The following MAST2 variants were observed in gnomAD, a reference collection of about 807,000 sequenced individuals.
The protein encoded by MAST2 is microtubule-associated serine/threonine-protein kinase 2.
Under a neutral mutation model 147.4 loss-of-function variants are expected in MAST2, and 70 were observed. The ratio of observed to expected loss-of-function variants is 0.47; its 90% CI spans 0.39 to 0.58. The LOEUF (loss-of-function observed/expected upper bound fraction) is 0.58, where lower values mean the gene tolerates loss of function less well. MAST2 is among the 20% of genes least tolerant of loss of function. MAST2 has a pLI of 0.00. For missense variants in MAST2, 2,080 were observed against 2,302.3 expected (o/e 0.90, Z 1.98); for synonymous variants, 869 against 896.8 (o/e 0.97, Z 0.55).
intron 4 of MAST2, among the ~76,000 whole-genome samples, chr1:45,948,987 T>C (rs1279471519): frequency 6.6e-6 from 1 of 152,194 alleles, no homozygotes; most frequent in East Asian, 1.9e-4. Flanking sequence ...GGGAAAAGAC[T>C]CCCTATTCAG....
rs921056577 is a variant in MAST2, at chr1:46,029,688, C to T, written c.2320+121C>T. The T allele has an allele frequency of 1.0e-5, 14 of 1,370,966 alleles. No homozygotes were observed. The African/African-American group carries it at 1.1e-4, about 11-fold the overall frequency. The allele number at this position is 1,370,966 out of a possible 1,614,324, so 84.9% of individuals were successfully genotyped here. On this transcript the variant is annotated intron_variant, in intron 19 of 28. Coordinates refer to ENST00000361297, the MANE Select transcript of MAST2 (RefSeq NM_015112.3). The stretch of plus-strand genomic sequence containing the variant: ...GCCCCTCTGGATCCTGAAACTCTGC[C>T]CTGCTCTGTAGGCAGAAAAGGGAAG...
At chr1:45,820,934 C>A (rs1197902486) in intron 1 of MAST2, among the ~76,000 whole-genome samples, 1 of 104,622 alleles carries the variant, frequency 9.6e-6, no homozygotes, top group African/African-American at 3.8e-5. Flanking sequence ...GAGTCTTGCT[C>A]TGTTTCCCGG....
chr1:45,938,144 A>G (rs531634398), intron 4 of MAST2, among the ~76,000 whole-genome samples: 90 of 152,286 alleles, frequency 5.9e-4, no homozygotes, highest in African/African-American at 2.1e-3. Context: ...ATAATGTTTT[A>G]TTATTGGATA....
chr1:45,924,434 A>G (rs1654030185), intron 4 of MAST2, among the ~76,000 whole-genome samples: 1 of 152,134 alleles, frequency 6.6e-6, no homozygotes, highest in Non-Finnish European at 1.5e-5. Context: ...AAGAACTGAA[A>G]ATTGAGTGCT....
At chr1:45,808,774 A>G (rs1644211255) in intron 1 of MAST2, among the ~76,000 whole-genome samples, 1 of 152,146 alleles carries the variant, frequency 6.6e-6, no homozygotes, top group Non-Finnish European at 1.5e-5. Flanking sequence ...TAAGTGCTTT[A>G]TAAATACTCG....
intron 5 of MAST2, among the ~76,000 whole-genome samples, chr1:45,967,722 CTT>C (rs1431476595): frequency 6.6e-6 from 1 of 152,064 alleles, no homozygotes; most frequent in Non-Finnish European, 1.5e-5. Flanking sequence ...AGGCATACAA[CTT>C]TTACTGAAAA....
chr1:45,886,294 T>C (rs925687726), intron 4 of MAST2, among the ~76,000 whole-genome samples: 11 of 131,506 alleles, frequency 8.4e-5, no homozygotes, highest in Non-Finnish European at 1.4e-4. Flanking sequence ...GTATACATAT[T>C]TATATATGTA....
At chr1:45,820,543 T>C (rs1240679141) in intron 1 of MAST2, among the ~76,000 whole-genome samples, 2 of 152,310 alleles carry the variant, frequency 1.3e-5, no homozygotes, top group East Asian at 3.9e-4. Flanking sequence ...TTGTGGCAGA[T>C]TACATCTTTA....
chr1:45,863,404 A>T (rs1646043246), intron 3 of MAST2, among the ~76,000 whole-genome samples: 1 of 152,188 alleles, frequency 6.6e-6, no homozygotes, highest in African/African-American at 2.4e-5. Context: ...GCCGTTAGTT[A>T]TTCAAAGCAG....
At chr1:45,863,396 CGTTA>C (rs1646043151) in intron 3 of MAST2, among the ~76,000 whole-genome samples, 2 of 152,050 alleles carry the variant, frequency 1.3e-5, no homozygotes, top group South Asian at 4.2e-4. Flanking sequence ...ATAATCCAGC[CGTTA>C]GTTATTCAAA....
At chr1:45,851,662 T>C (rs1645627562) in intron 3 of MAST2, among the ~76,000 whole-genome samples, 1 of 152,152 alleles carries the variant, frequency 6.6e-6, no homozygotes, top group Non-Finnish European at 1.5e-5. Flanking sequence ...TTGTTGAGGG[T>C]TTTTATCATG....
chr1:45,887,708 A>G (rs1275604773), intron 4 of MAST2, among the ~76,000 whole-genome samples: 1 of 152,228 alleles, frequency 6.6e-6, no homozygotes, highest in South Asian at 2.1e-4. Context: ...CTGCATACAC[A>G]TAATAAACCC....
At chr1:45,830,319 CA>C (rs1383392018) in intron 3 of MAST2, among the ~76,000 whole-genome samples, 6 of 150,732 alleles carry the variant, frequency 4.0e-5, no homozygotes, top group African/African-American at 1.5e-4. Context: ...GGATTACAGG[CA>C]CTTGCCACCA....
chr1:46,027,904 G>A (rs745884700), intron 17 of MAST2, 41 bp downstream of exon 17: 3 of 1,609,880 alleles, frequency 1.9e-6, no homozygotes, highest in Non-Finnish European at 2.5e-6. Context: ...TAAATTCTAG[G>A]CCCTTGTCCT....
intron 4 of MAST2, among the ~76,000 whole-genome samples, chr1:45,916,932 G>C (rs1366967379): frequency 3.9e-5 from 6 of 152,134 alleles, no homozygotes; most frequent in African/African-American, 1.4e-4. Flanking sequence ...TACAAAATTA[G>C]CTGGGTGTGG....
intron 4 of MAST2, among the ~76,000 whole-genome samples, chr1:45,898,571 A>C (rs1157496758): frequency 1.3e-5 from 2 of 152,114 alleles, no homozygotes; most frequent in African/African-American, 4.8e-5. Flanking sequence ...TGGGATAAGC[A>C]AAGCCCACTC....
At chr1:45,980,708 A>C (rs1644373314) in intron 5 of MAST2, among the ~76,000 whole-genome samples, 1 of 151,710 alleles carries the variant, frequency 6.6e-6, no homozygotes, top group African/African-American at 2.4e-5. Flanking sequence ...CTAATTTTTT[A>C]ATTTTTTTGT....
intron 6 of MAST2, 65 bp from the exon 7 acceptor site, chr1:46,002,740 A>G: frequency 7.0e-7 from 1 of 1,422,262 alleles, no homozygotes; most frequent in Non-Finnish European, 9.9e-7. Context: ...TGATGAACAG[A>G]CAGGCAGGTT....
intron 11 of MAST2, among the ~76,000 whole-genome samples, chr1:46,020,168 C>T (rs1646126360): frequency 6.6e-6 from 1 of 152,176 alleles, no homozygotes; most frequent in Non-Finnish European, 1.5e-5. Flanking sequence ...AATTACAATA[C>T]TGCAAGAAGT....
Sources: gnomAD v4.1 joint callset for allele counts (sites outside exome capture counted in the v4.1 genomes callset) on GRCh38, gnomAD v4.1.1 for gene constraint, MANE v1.5 for transcripts, NCBI Gene and HGNC (gene_info 2026-07-23, HGNC 2026-07-21) for gene names.